Variants in BMP2K observed in about 807,000 individuals in gnomAD.
The protein encoded by BMP2K is BMP2 inducible kinase, also known as BMP-2-inducible protein kinase.
BMP2K carries 74 observed loss-of-function variants against 116.0 expected under a neutral mutation model. The ratio of observed to expected loss-of-function variants is 0.64; its 90% CI spans 0.53 to 0.77. The LOEUF (loss-of-function observed/expected upper bound fraction) is 0.77, where lower values mean the gene tolerates loss of function less well. BMP2K is among the 30% of genes least tolerant of loss of function. The probability of loss-of-function intolerance (pLI) is 0.00; values close to 1 mark genes in which losing one functional copy is unlikely to be tolerated. For missense variants in BMP2K, 1,365 were observed against 1,403.6 expected (o/e 0.97, Z 0.44); for synonymous variants, 486 against 502.5 (o/e 0.97, Z 0.44).
At chr4:78,816,920 T>A (rs1729379606) in intron 1 of BMP2K, among the ~76,000 whole-genome samples, 1 of 152,186 alleles carries the variant, frequency 6.6e-6, no homozygotes, top group Non-Finnish European at 1.5e-5. Flanking sequence ...CAGGAATTTG[T>A]GTTTTCAAGA....
chr4:78,776,449 C>T lies in BMP2K; in HGVS notation c.-95C>T. On this transcript the variant is annotated 5_prime_UTR_variant, in exon 1 of 16. Coordinates refer to ENST00000502613, the MANE Select transcript of BMP2K (RefSeq NM_198892.2). ...CGGGCCGCAGCACGCTCGGACGGGC[C>T]AGGGGCGGCGACCCCTCGCGGACGC... 4.7e-6 allele frequency: 5 copies of T among 1,071,912 alleles called. No individual in the cohort carries two copies. Among genetic ancestry groups the T allele is most frequent in the South Asian group, 4.4e-5 (1 of 22,616 alleles). The allele number at this position is 1,071,912 out of a possible 1,614,324, so 66.4% of individuals were successfully genotyped here. A position where few individuals can be genotyped will look rare whatever the true frequency, so the allele number is the denominator to read the frequency against.
Position 78,911,120 on chromosome 4 carries a change from T to C in BMP2K, c.2573T>C (p.Phe858Ser), listed in dbSNP as rs1200606634. ...VETPKQEFDV[F>S]GAVPFFAVRA... ...ACTCCCAAACAGGAGTTTGATGTAT[T>C]TGGCGCTGTCCCCTTCTTTGCAGTG... The change falls in exon 16 of 16, where the codon TTT becomes TCT. Residue 858 changes from phenylalanine to serine, a missense_variant. This residue lies in a region of BMP2K where 596 missense variants were observed against 623.2 expected (regional missense o/e 0.96). Transcript: ENST00000502613. 4.3e-6 allele frequency: 7 copies of C among 1,613,980 alleles called. No homozygotes were observed. In the South Asian group the frequency reaches 6.6e-5, roughly 15 times the overall value.
At chr4:78,784,042 C>T (rs1727625544) in intron 1 of BMP2K, among the ~76,000 whole-genome samples, 1 of 152,070 alleles carries the variant, frequency 6.6e-6, no homozygotes, top group African/African-American at 2.4e-5. Flanking sequence ...GGAAAAGGTC[C>T]TTGATGTTGT....
At chr4:78,796,383 TTGGGGGG>T (rs1302993550) in intron 1 of BMP2K, among the ~76,000 whole-genome samples, 4 of 77,048 alleles carry the variant, frequency 5.2e-5, no homozygotes, top group East Asian at 4.2e-4. Context: ...CTGGGGACTG[TTGGGGGG>T]TGGGGGGAGG....
chr4:78,776,809 G>C lies in BMP2K; in HGVS notation c.178+88G>C, dbSNP rs536421497. On this transcript the variant is annotated intron_variant, in intron 1 of 15. Coordinates refer to ENST00000502613, the MANE Select transcript of BMP2K (RefSeq NM_198892.2). ...TCTCCGGGTCCTCGCCCTCCGGACT[G>C]ACTCTTATACCCCATTCTTCCTCTG... 7 of 1,123,900 alleles carry C rather than the reference G, an allele frequency of 6.2e-6. No individual in the cohort carries two copies. In the African/African-American group the frequency reaches 1.1e-4, roughly 18 times the overall value. The allele number at this position is 1,123,900 out of a possible 1,614,324, so 69.6% of individuals were successfully genotyped here. A position where few individuals can be genotyped will look rare whatever the true frequency, so the allele number is the denominator to read the frequency against.
intron 14 of BMP2K, chr4:78,879,166 A>G (rs1458625606): frequency 1.8e-6 from 2 of 1,121,714 alleles, no homozygotes; most frequent in Non-Finnish European, 2.2e-6. Flanking sequence ...TAAATTCAGA[A>G]TATCTCTAAA....
intron 1 of BMP2K, among the ~76,000 whole-genome samples, chr4:78,795,033 T>A (rs186128495): frequency 7.9e-5 from 12 of 152,290 alleles, no homozygotes; most frequent in Admixed American, 7.2e-4. Context: ...TCAGTTCTCA[T>A]CAAAAAAGAC....
intron 14 of BMP2K, among the ~76,000 whole-genome samples, chr4:78,880,769 T>G (rs1732852881): frequency 6.6e-6 from 1 of 152,220 alleles, no homozygotes; most frequent in African/African-American, 2.4e-5. Flanking sequence ...GTGTAAATTT[T>G]AAACTTCATG....
chr4:78,831,675 C>A (rs1409335600), intron 2 of BMP2K, among the ~76,000 whole-genome samples: 1 of 152,136 alleles, frequency 6.6e-6, no homozygotes, highest in African/African-American at 2.4e-5. Context: ...GGCAAGGCAT[C>A]TTTCAACAAG....
Position 78,915,047 on chromosome 4 carries a change from T to C in BMP2K, c.*3014T>C, listed in dbSNP as rs1160507611. ...AGACACAAAAATTGCATGGTAAGTATAATAGGTGGAGGAGGAAAGGTTGTA... is the reference window on the plus strand; with the variant it reads ...AGACACAAAAATTGCATGGTAAGTACAATAGGTGGAGGAGGAAAGGTTGTA... On this transcript the variant is annotated 3_prime_UTR_variant, in exon 16 of 16. Transcript: ENST00000502613. The C allele has an allele frequency of 6.6e-6, 1 of 151,994 alleles. No individual in the cohort carries two copies. The highest frequency in any genetic ancestry group is 2.4e-5 in the African/African-American group (1 of 41,418). 9.4% of individuals were successfully genotyped at this position (151,994 alleles called of 1,614,324 possible).
intron 1 of BMP2K, among the ~76,000 whole-genome samples, chr4:78,796,245 A>G (rs998453301): frequency 6.6e-6 from 1 of 152,080 alleles, no homozygotes; most frequent in Non-Finnish European, 1.5e-5. Context: ...AGGGACATGG[A>G]TGAAATTGGA....
At chr4:78,874,307 T>TC (rs1732531217) in intron 13 of BMP2K, among the ~76,000 whole-genome samples, 1 of 152,202 alleles carries the variant, frequency 6.6e-6, no homozygotes. Flanking sequence ...ATTAGTAACA[T>TC]TATTGTGTAT....
At chr4:78,780,850 G>A (rs1029881506) in intron 1 of BMP2K, among the ~76,000 whole-genome samples, 3 of 152,176 alleles carry the variant, frequency 2.0e-5, no homozygotes, top group Non-Finnish European at 4.4e-5. Context: ...TTTTTTATAT[G>A]TGTCGTGAAG....
chr4:78,845,681 C>G (rs962199374), intron 5 of BMP2K, among the ~76,000 whole-genome samples: 2 of 151,632 alleles, frequency 1.3e-5, no homozygotes, highest in African/African-American at 2.4e-5. Flanking sequence ...TTTAGGTTAT[C>G]TTAATAAAGT....
chr4:78,823,302 G>GTA (rs1369816621), intron 1 of BMP2K, among the ~76,000 whole-genome samples: 1 of 151,858 alleles, frequency 6.6e-6, no homozygotes, highest in African/African-American at 2.4e-5. Flanking sequence ...GTAAGAATAG[G>GTA]TATATAGGAT....
At chr4:78,789,848 G>A (rs1173229550) in intron 1 of BMP2K, among the ~76,000 whole-genome samples, 1 of 152,216 alleles carries the variant, frequency 6.6e-6, no homozygotes, top group Non-Finnish European at 1.5e-5. Flanking sequence ...AGGACCTCCT[G>A]TAGGGAGAAA....
chr4:78,818,566 T>C (rs1455020464), intron 1 of BMP2K, among the ~76,000 whole-genome samples: 4 of 152,180 alleles, frequency 2.6e-5, no homozygotes, highest in Non-Finnish European at 5.9e-5. Context: ...TTTCCAGTTC[T>C]TTAAAAAAGT....
At chr4:78,777,263 G>A (rs1386301935) in intron 1 of BMP2K, among the ~76,000 whole-genome samples, 2 of 152,212 alleles carry the variant, frequency 1.3e-5, no homozygotes, top group African/African-American at 2.4e-5. Context: ...AATTCAGTTA[G>A]TAGGTTGCAC....
At chr4:78,883,521 A>C (rs1245703912) in intron 14 of BMP2K, among the ~76,000 whole-genome samples, 2 of 152,204 alleles carry the variant, frequency 1.3e-5, no homozygotes, top group Non-Finnish European at 2.9e-5. Context: ...ATAACTGGAT[A>C]AATGGACTTA....
Sources: allele counts gnomAD v4.1 joint callset (sites outside exome capture counted in the v4.1 genomes callset), GRCh38; gene constraint gnomAD v4.1.1; regional missense constraint gnomAD v4.1.1; transcripts MANE v1.5; gene names NCBI Gene and HGNC (gene_info 2026-07-23, HGNC 2026-07-21).